MROH2B: variants seen among roughly 807,000 people sequenced by gnomAD.
The protein encoded by MROH2B is maestro heat-like repeat-containing protein family member 2B.
A neutral mutation model predicts 208.6 loss-of-function variants in MROH2B; 177 were observed. The ratio of observed to expected loss-of-function variants is 0.85; its 90% CI spans 0.75 to 0.96. The LOEUF (loss-of-function observed/expected upper bound fraction) is 0.96, where lower values mean the gene tolerates loss of function less well. Ranked by LOEUF, MROH2B falls within the 40% of genes least tolerant of loss-of-function variation. The probability of loss-of-function intolerance (pLI) is 0.00; values close to 1 mark genes in which losing one functional copy is unlikely to be tolerated. For synonymous variants in MROH2B, 728 were observed against 659.0 expected (o/e 1.10, Z -1.60); for missense variants, 2,002 against 1,878.7 (o/e 1.07, Z -1.21).
chr5:41,034,147 T>C lies in MROH2B; in HGVS notation c.2215-283A>G, dbSNP rs1742676506. 4.8e-6 allele frequency: 4 copies of C among 828,618 alleles called. No homozygotes were observed. In the South Asian group the frequency reaches 2.2e-4, roughly 45 times the overall value. The allele number at this position is 828,618 out of a possible 1,614,324, so 51.3% of individuals were successfully genotyped here. A position where few individuals can be genotyped will look rare whatever the true frequency, so the allele number is the denominator to read the frequency against. On this transcript the variant is annotated intron_variant, in intron 21 of 41. Coordinates refer to ENST00000399564, the MANE Select transcript of MROH2B (RefSeq NM_173489.5). Reference sequence around the variant, plus strand: ...CTTGTGTTTTCAGCCTTCACAATCATTTTAAAGAGGCTCAACAGACTTTGG... The same window carrying C: ...CTTGTGTTTTCAGCCTTCACAATCACTTTAAAGAGGCTCAACAGACTTTGG...
chr5:40,999,873 C>T (rs1025705449), intron 39 of MROH2B, 94 bp from the exon 40 acceptor site: 1 of 1,059,444 alleles, frequency 9.4e-7, no homozygotes, highest in Non-Finnish European at 1.4e-6. Flanking sequence ...TTTGTAAAGG[C>T]CAGTGAGCAC....
At position 41,005,637 on chromosome 5, in the gene MROH2B, GC is replaced by G; in HGVS notation, c.3757del (p.Ala1253GlnfsTer28). ...CAGTATGACTCCGTGTTGCCACACTGCCATGCTCCTAGAAAATGCACATTTT... is the reference window on the plus strand; with the variant it reads ...CAGTATGACTCCGTGTTGCCACACTGCATGCTCCTAGAAAATGCACATTTT... ...IGVCSLARSM[A>X]VWQHGVILDI... On this transcript the variant is annotated frameshift_variant, in exon 35 of 42. Coordinates refer to ENST00000399564, the MANE Select transcript of MROH2B (RefSeq NM_173489.5). LOFTEE classifies it high-confidence loss of function. 1 of 1,609,430 alleles carries G rather than the reference GC, an allele frequency of 6.2e-7. No individual in the cohort carries two copies. The highest frequency in any genetic ancestry group is 8.5e-7 in the Non-Finnish European group (1 of 1,177,564).
At chr5:41,022,772 G>A (rs1742198685) in intron 24 of MROH2B, among the ~76,000 whole-genome samples, 2 of 152,192 alleles carry the variant, frequency 1.3e-5, no homozygotes, top group South Asian at 4.1e-4. Context: ...TGCCCTAGTA[G>A]CCTAACTGGG....
intron 4 of MROH2B, among the ~76,000 whole-genome samples, chr5:41,065,037 G>A (rs1486564537): frequency 2.0e-5 from 3 of 152,174 alleles, no homozygotes; most frequent in Non-Finnish European, 4.4e-5. Context: ...TCATGTAAGT[G>A]TTCAGTGGTT....
At chr5:41,006,012 G>A (rs1421033869) in intron 34 of MROH2B, among the ~76,000 whole-genome samples, 18 of 130,428 alleles carry the variant, frequency 1.4e-4, no homozygotes, top group African/African-American at 4.3e-4. Context: ...CAGCCTGGGC[G>A]AAGAGTAAGA....
rs1245792871 is a variant in MROH2B at position 41,042,426 on chromosome 5, A to G, written c.1837-218T>C. On this transcript the variant is annotated intron_variant, in intron 18 of 41. Transcript: ENST00000399564. ...ATTCCTCTCTACCTTGTGTCCTGCC[A>G]CTAAAATATACTTCACCCCCCATTG... 8.5e-5 allele frequency among the ~76,000 whole-genome samples: 13 copies of G among 152,152 alleles called. No individual in the cohort carries two copies. The East Asian group carries it at 2.3e-3, about 27-fold the overall frequency.
intron 26 of MROH2B, 66 bp downstream of exon 26, chr5:41,018,625 T>C: frequency 6.4e-7 from 1 of 1,565,812 alleles, no homozygotes; most frequent in Non-Finnish European, 8.8e-7. Flanking sequence ...GCAGTAGAGT[T>C]TGGAGTGGAC....
chr5:41,036,304 T>A (rs1742757776), intron 21 of MROH2B, among the ~76,000 whole-genome samples: 1 of 152,060 alleles, frequency 6.6e-6, no homozygotes, highest in Non-Finnish European at 1.5e-5. Context: ...ATAAGTCTCA[T>A]GAGATCTGAT....
rs1743969175 is a variant in MROH2B at position 41,070,894 on chromosome 5, A to G, written c.-42T>C. 2 of 1,599,618 alleles carry G rather than the reference A, an allele frequency of 1.3e-6. No individual in the cohort carries two copies. Among genetic ancestry groups the G allele is most frequent in the Middle Eastern group, 1.7e-4 (1 of 6,040 alleles). On this transcript the variant is annotated 5_prime_UTR_variant, in exon 1 of 42. Transcript: ENST00000399564. ...GGTCTCTAAAAGATAGCACCTAAGT[A>G]TTAGAAATAGTAAGGCTAAAAAATC...
rs147233834 is a variant in MROH2B at position 41,037,345 on chromosome 5, A to G, written c.2214+1391T>C. Among the ~76,000 whole-genome samples the G allele has an allele frequency of 4.9e-3, 746 of 152,310 alleles. 4 individuals carry two copies. The highest frequency in any genetic ancestry group is 0.015 in the African/African-American group (617 of 41,566). ...AATGTAACATAAAACAAATTTTATT[A>G]TGTTTTCTATTCTCATCACTGCTTC... is the stretch of plus-strand genomic sequence containing the variant. On this transcript the variant is annotated intron_variant, in intron 21 of 41. Transcript: ENST00000399564.
At chr5:41,039,943 C>T (rs1742890997) in intron 19 of MROH2B, among the ~76,000 whole-genome samples, 1 of 152,056 alleles carries the variant, frequency 6.6e-6, no homozygotes, top group Non-Finnish European at 1.5e-5. Context: ...GGGAGTGAGC[C>T]ATTAGACTAT....
At chr5:41,057,005 G>T in intron 9 of MROH2B, 104 bp downstream of exon 9, 1 of 1,098,084 alleles carries the variant, frequency 9.1e-7, no homozygotes, top group Non-Finnish European at 1.4e-6. Flanking sequence ...GTGTGTTTGT[G>T]TGTGTGAAAG....
At chr5:41,054,924 A>T (rs1388692632) in intron 10 of MROH2B, 84 bp from the exon 11 acceptor site, 1 of 892,824 alleles carries the variant, frequency 1.1e-6, no homozygotes, top group Non-Finnish European at 1.7e-6. Context: ...TATTAGAATT[A>T]TGGCACATAA....
chr5:41,049,014 A>G (rs1237703243), intron 15 of MROH2B, 87 bp downstream of exon 15: 40 of 1,289,258 alleles, frequency 3.1e-5, no homozygotes, highest in Non-Finnish European at 3.9e-5. Context: ...TGGAGTATCT[A>G]TGTAATTTAT....
chr5:41,041,119 A>G (rs925005429), intron 19 of MROH2B, among the ~76,000 whole-genome samples: 1 of 152,218 alleles, frequency 6.6e-6, no homozygotes, highest in Non-Finnish European at 1.5e-5. Flanking sequence ...ATAAATGATA[A>G]TATCTGACAA....
intron 32 of MROH2B, 110 bp downstream of exon 32, chr5:41,009,170 G>T: frequency 1.4e-6 from 2 of 1,413,900 alleles, no homozygotes; most frequent in Non-Finnish European, 1.9e-6. Context: ...GTTAGGGTAT[G>T]AGAGAAGAAG....
chr5:41,039,872 A>G (rs1305592645), intron 19 of MROH2B, among the ~76,000 whole-genome samples: 2 of 152,222 alleles, frequency 1.3e-5, no homozygotes, highest in Non-Finnish European at 2.9e-5. Flanking sequence ...TTATTAAAAT[A>G]GGATAGTCAG....
intron 18 of MROH2B, among the ~76,000 whole-genome samples, chr5:41,042,410 T>C (rs1211337617): frequency 6.6e-6 from 1 of 152,158 alleles, no homozygotes; most frequent in East Asian, 1.9e-4. Flanking sequence ...TATTCCTCTC[T>C]ACCTTGTGTC....
At chr5:41,035,471 G>C (rs1579935334) in intron 21 of MROH2B, among the ~76,000 whole-genome samples, 1 of 151,930 alleles carries the variant, frequency 6.6e-6, no homozygotes, top group African/African-American at 2.4e-5. Flanking sequence ...TGACAAGTGG[G>C]ATCTAATTAA....
Sources: gnomAD v4.1 joint callset for allele counts (sites outside exome capture counted in the v4.1 genomes callset) on GRCh38, gnomAD v4.1.1 for gene constraint, MANE v1.5 for transcripts, NCBI Gene and HGNC (gene_info 2026-07-23, HGNC 2026-07-21) for gene names.